Variants in ERBB4 observed in about 807,000 individuals in gnomAD.
ERBB4 encodes erb-b2 receptor tyrosine kinase 4.
A neutral mutation model predicts 158.0 loss-of-function variants in ERBB4; 42 were observed. The observed-to-expected ratio is 0.27, with a 90% CI of 0.21 to 0.34. The LOEUF (loss-of-function observed/expected upper bound fraction) is 0.34. ERBB4 is among the 10% of genes least tolerant of loss of function. ERBB4 has a pLI of 1.00. For synonymous variants in ERBB4, 583 were observed against 558.7 expected (o/e 1.04, Z -0.61); for missense variants, 1,333 against 1,624.1 (o/e 0.82, Z 3.08).
chr2:212,165,931 C>A lies in ERBB4; in HGVS notation c.83-41028G>T, dbSNP rs541459157. On this transcript the variant is annotated intron_variant, in intron 1 of 27. Transcript: ENST00000342788. ...ATAACACTTTAATTTTTGCTTTAAT[C>A]AAAAACTGTATTTGCAAAATAGTAA... Among the ~76,000 whole-genome samples, 89 of 152,012 alleles carry A rather than the reference C, an allele frequency of 5.9e-4. 1 individual carries two copies. The highest frequency in any genetic ancestry group is 6.8e-3 in the Middle Eastern group (2 of 294).
At chr2:211,784,867 G>A (rs2076119848) in intron 4 of ERBB4, among the ~76,000 whole-genome samples, 2 of 152,036 alleles carry the variant, frequency 1.3e-5, no homozygotes, top group African/African-American at 4.8e-5. Flanking sequence ...TAGTAATGTT[G>A]AGCATCTTTT....
intron 25 of ERBB4, 151 bp from the exon 26 acceptor site, chr2:211,388,143 T>G (rs1276703367): frequency 1.5e-6 from 1 of 678,284 alleles, no homozygotes; most frequent in African/African-American, 1.8e-5. Context: ...GCAGCACAAT[T>G]GTATGCATTC....
chr2:212,429,249 C>T (rs1312728620), intron 1 of ERBB4: 1 of 152,146 alleles, frequency 6.6e-6, no homozygotes, highest in Non-Finnish European at 1.5e-5. Flanking sequence ...AGAACAAATA[C>T]TTAGTTTCAC....
intron 1 of ERBB4, among the ~76,000 whole-genome samples, chr2:212,311,555 A>G (rs1355724682): frequency 6.6e-6 from 1 of 150,890 alleles, no homozygotes; most frequent in African/African-American, 2.4e-5. Context: ...TGTAAAGATA[A>G]AATGAATTTG....
chr2:211,422,761 G>C (rs78319964), intron 23 of ERBB4, among the ~76,000 whole-genome samples: 2 of 151,770 alleles, frequency 1.3e-5, no homozygotes, highest in Non-Finnish European at 2.9e-5. Context: ...CCGAAAGAAA[G>C]GTAAAATTCT....
At chr2:211,723,171 AC>A (rs2074158672) in intron 6 of ERBB4, among the ~76,000 whole-genome samples, 2 of 152,192 alleles carry the variant, frequency 1.3e-5, no homozygotes. Context: ...AGTAAAAGCT[AC>A]CATGTAGAAG....
intron 3 of ERBB4, among the ~76,000 whole-genome samples, chr2:211,875,036 A>AAAAAAAAAAAAAAAAAAAAAAAAAC (rs2078458065): frequency 6.9e-6 from 1 of 144,572 alleles, no homozygotes; most frequent in African/African-American, 2.5e-5. Context: ...AAAAAAAAAA[A>AAAAAAAAAAAAAAAAAAAAAAAAAC]AAAAAAAAAA....
chr2:212,212,797 G>A (rs2082979435), intron 1 of ERBB4, among the ~76,000 whole-genome samples: 2 of 152,002 alleles, frequency 1.3e-5, no homozygotes, highest in South Asian at 4.1e-4. Flanking sequence ...CAACAAACCT[G>A]ACAAAAACAA....
intron 2 of ERBB4, among the ~76,000 whole-genome samples, chr2:212,123,197 G>T (rs746142182): frequency 2.6e-5 from 4 of 152,096 alleles, no homozygotes. Flanking sequence ...AGCTCAGGAG[G>T]TTGAGACCAT....
intron 2 of ERBB4, among the ~76,000 whole-genome samples, chr2:212,104,786 G>T (rs2079176986): frequency 6.6e-6 from 1 of 152,076 alleles, no homozygotes; most frequent in Admixed American, 6.5e-5. Context: ...AAGTCGATTT[G>T]CGCTTTGCTA....
At chr2:211,613,365 A>G (rs1347354421) in intron 19 of ERBB4, among the ~76,000 whole-genome samples, 1 of 152,032 alleles carries the variant, frequency 6.6e-6, no homozygotes, top group Admixed American at 6.6e-5. Flanking sequence ...AAGGAGAGTC[A>G]GTGAAAGGAA....
At chr2:211,568,042 C>T (rs778384945) in intron 19 of ERBB4, among the ~76,000 whole-genome samples, 1 of 151,880 alleles carries the variant, frequency 6.6e-6, no homozygotes, top group Non-Finnish European at 1.5e-5. Context: ...TAGAAAATGT[C>T]GCTGAAGACC....
chr2:211,497,515 G>T (rs2065499368), intron 20 of ERBB4, among the ~76,000 whole-genome samples: 1 of 152,106 alleles, frequency 6.6e-6, no homozygotes, highest in African/African-American at 2.4e-5. Context: ...AATAAGACGT[G>T]TGAGGATGAA....
intron 3 of ERBB4, among the ~76,000 whole-genome samples, chr2:211,820,973 C>T (rs1259236736): frequency 6.6e-6 from 1 of 151,684 alleles, no homozygotes; most frequent in African/African-American, 2.4e-5. Context: ...CAGCTTTTCC[C>T]CTAAGAACTC....
Position 211,383,686 on chromosome 2 carries a change from A to G in ERBB4, c.3856T>C (p.Ser1286Pro). ...PIVAENPEYL[S>P]EFSLKPGTVL... Reference sequence around the variant, plus strand: ...GTGCCTGGCTTCAGGGAGAACTCAGAGAGGTATTCAGGATTCTCTGCCACA... The same window carrying G: ...GTGCCTGGCTTCAGGGAGAACTCAGGGAGGTATTCAGGATTCTCTGCCACA... The change falls in exon 28 of 28, where the codon TCT becomes CCT. Residue 1286 changes from serine (S) to proline (P), a missense_variant. Around this residue, in one of 5 missense-constraint regions of ERBB4, gnomAD observed 84 missense variants for 110.8 expected, o/e 0.76. Transcript: ENST00000342788. The G allele has an allele frequency of 6.2e-7, 1 of 1,614,010 alleles. No individual in the cohort carries two copies. The highest frequency in any genetic ancestry group is 8.5e-7 in the Non-Finnish European group (1 of 1,179,980).
intron 1 of ERBB4, among the ~76,000 whole-genome samples, chr2:212,266,833 A>T (rs887084775): frequency 6.6e-6 from 1 of 152,080 alleles, no homozygotes; most frequent in African/African-American, 2.4e-5. Flanking sequence ...TAAAAAGGTT[A>T]AAAAAACACA....
chr2:211,535,457 C>T (rs1163534037), intron 20 of ERBB4, among the ~76,000 whole-genome samples: 2 of 151,954 alleles, frequency 1.3e-5, no homozygotes, highest in Non-Finnish European at 2.9e-5. Context: ...TACCAAGTAG[C>T]TAACTGAACT....
In ERBB4 at chr2:211,540,188, TTA is replaced by T. The variant is rs571359851; in HGVS notation, c.2487+21713_2487+21714del. Among the ~76,000 whole-genome samples, 658 of 143,842 alleles carry T rather than the reference TTA, an allele frequency of 4.6e-3. 2 individuals are homozygous for T. The highest frequency in any genetic ancestry group is 8.2e-3 in the Non-Finnish European group (534 of 64,908). The allele number at this position is 143,842 out of a possible 152,430, so 94.4% of individuals were successfully genotyped here. A position where few individuals can be genotyped will look rare whatever the true frequency, so the allele number is the denominator to read the frequency against. On this transcript the variant is annotated intron_variant, in intron 20 of 27. Transcript: ENST00000342788. ...TAATATTGTCCCTGACCTACATGAT[TTA>T]TATATATATATATATACACACACAC...
chr2:212,344,293 A>G (rs554437025), intron 1 of ERBB4, among the ~76,000 whole-genome samples: 1 of 151,884 alleles, frequency 6.6e-6, no homozygotes, highest in Admixed American at 6.6e-5. Context: ...TGTTTAGCAG[A>G]CTCCTGGCTG....
Sources: allele counts gnomAD v4.1 joint callset (sites outside exome capture counted in the v4.1 genomes callset), GRCh38; gene constraint gnomAD v4.1.1; regional missense constraint gnomAD v4.1.1; transcripts MANE v1.5; gene names NCBI Gene and HGNC (gene_info 2026-07-23, HGNC 2026-07-21).